The following LGSN variants were observed in gnomAD, a reference collection of about 807,000 sequenced individuals.
The protein encoded by LGSN is lengsin.
In LGSN, 21 loss-of-function variants were observed where a neutral mutation model predicts 19.5. That is an observed-to-expected ratio of 1.07 (90% CI 0.76 to 1.55). The LOEUF is 1.55. Among genes scored for constraint, LGSN ranks in the 40% most tolerant of loss-of-function variants. The pLI is 0.00. For synonymous variants in LGSN, 257 were observed against 215.6 expected (o/e 1.19, Z -1.68); for missense variants, 673 against 608.5 (o/e 1.11, Z -1.12).
the LGSN span, among the ~76,000 whole-genome samples, chr6:63,409,344 A>C: frequency 8.2e-3 from 1,246 of 152,346 alleles, 14 homozygotes; most frequent in South Asian, 0.025. Flanking sequence ...TAATCTAGTC[A>C]GTCTATTCAG....
the LGSN span, among the ~76,000 whole-genome samples, chr6:63,450,561 A>C: frequency 6.7e-6 from 1 of 148,320 alleles, no homozygotes; most frequent in East Asian, 2.0e-4. Context: ...AAAAAAAAAA[A>C]GAAAAGAAAA....
At chr6:63,511,932 C>T in the LGSN span, among the ~76,000 whole-genome samples, 1 of 151,968 alleles carries the variant, frequency 6.6e-6, no homozygotes, top group Non-Finnish European at 1.5e-5. Context: ...TTAATAATTC[C>T]CTAGCAAGCA....
chr6:63,350,713 A>G, the LGSN span, among the ~76,000 whole-genome samples: 4 of 152,066 alleles, frequency 2.6e-5, no homozygotes, highest in Non-Finnish European at 4.4e-5. Flanking sequence ...TTAGCTGGAC[A>G]TGGCAGCGCA....
the LGSN span, among the ~76,000 whole-genome samples, chr6:63,546,434 G>A: frequency 2.6e-5 from 4 of 152,192 alleles, no homozygotes; most frequent in Admixed American, 6.5e-5. Flanking sequence ...GGCCGGGTGC[G>A]GTGGCTCACG....
the LGSN span, among the ~76,000 whole-genome samples, chr6:63,474,863 C>T: frequency 6.6e-5 from 9 of 135,488 alleles, no homozygotes; most frequent in Non-Finnish European, 1.4e-4. Context: ...GTGGAGGTTG[C>T]GATGATTTGA....
chr6:63,480,816 T>G, the LGSN span, among the ~76,000 whole-genome samples: 5 of 111,846 alleles, frequency 4.5e-5, no homozygotes, highest in South Asian at 3.1e-4. Context: ...AAAGAAGTCA[T>G]TATATGAAAA....
the LGSN span, among the ~76,000 whole-genome samples, chr6:63,525,684 A>T: frequency 6.6e-6 from 1 of 152,168 alleles, no homozygotes; most frequent in South Asian, 2.1e-4. Context: ...AGTTTCCAAC[A>T]ACCCCAACCT....
chr6:63,538,387 C>T, the LGSN span, among the ~76,000 whole-genome samples: 55 of 152,148 alleles, frequency 3.6e-4, no homozygotes, highest in Non-Finnish European at 2.1e-4. Context: ...AAAACTGAGA[C>T]TGAATGATTT....
Position 63,276,471 on chromosome 6 carries a change from A to G in LGSN, c.*3550T>C, listed in dbSNP as rs1272446972. The G allele has an allele frequency of 2.0e-5, 3 of 152,182 alleles. No individual in the cohort carries two copies. The highest frequency in any genetic ancestry group is 7.2e-5 in the African/African-American group (3 of 41,444). 9.4% of individuals were successfully genotyped at this position (152,182 alleles called of 1,614,324 possible). A position where few individuals can be genotyped will look rare whatever the true frequency, so the allele number is the denominator to read the frequency against. On this transcript the variant is annotated 3_prime_UTR_variant, in exon 4 of 4. Coordinates refer to ENST00000370657, the MANE Select transcript of LGSN (RefSeq NM_016571.3). ...TCTTATGTATACTCATTTAATTACCAACTTTAAATTCAGTAATCACATTTT... is the reference window on the plus strand; with the variant it reads ...TCTTATGTATACTCATTTAATTACCGACTTTAAATTCAGTAATCACATTTT...
the LGSN span, among the ~76,000 whole-genome samples, chr6:63,468,005 T>TA: frequency 3.7e-4 from 57 of 152,308 alleles, no homozygotes; most frequent in East Asian, 0.011. Context: ...ATTATCTCTT[T>TA]AATTATCTCT....
the LGSN span, among the ~76,000 whole-genome samples, chr6:63,387,464 T>G: frequency 6.6e-6 from 1 of 152,186 alleles, no homozygotes; most frequent in East Asian, 1.9e-4. Flanking sequence ...TAGAAGCATA[T>G]GCATAGGTTA....
chr6:63,401,267 G>T, the LGSN span, among the ~76,000 whole-genome samples: 1 of 151,864 alleles, frequency 6.6e-6, no homozygotes, highest in Non-Finnish European at 1.5e-5. Flanking sequence ...GGGCATGGTG[G>T]CACATGCCTG....
At chr6:63,524,796 T>C in the LGSN span, among the ~76,000 whole-genome samples, 1 of 152,246 alleles carries the variant, frequency 6.6e-6, no homozygotes, top group Non-Finnish European at 1.5e-5. Flanking sequence ...TCAAAGTTTC[T>C]ATTTTAATCA....
chr6:63,360,880 C>T, the LGSN span, among the ~76,000 whole-genome samples: 2 of 152,156 alleles, frequency 1.3e-5, no homozygotes, highest in Non-Finnish European at 2.9e-5. Context: ...TAACAGTCAG[C>T]ACCCTCAGCT....
the LGSN span, among the ~76,000 whole-genome samples, chr6:63,374,247 T>G: frequency 8.5e-5 from 13 of 152,338 alleles, no homozygotes; most frequent in African/African-American, 3.1e-4. Context: ...TTATCTTTGA[T>G]GCAAATTATT....
chr6:63,417,204 A>G, the LGSN span, among the ~76,000 whole-genome samples: 2 of 151,954 alleles, frequency 1.3e-5, no homozygotes, highest in African/African-American at 4.8e-5. Context: ...TCATCCTATT[A>G]ATACTTCTTC....
chr6:63,353,486 G>A, the LGSN span, among the ~76,000 whole-genome samples: 5,977 of 149,222 alleles, frequency 0.04, 406 homozygotes, highest in African/African-American at 0.14. Flanking sequence ...ATAACAGAAC[G>A]TAAGGTGAAG....
intron 1 of LGSN, among the ~76,000 whole-genome samples, chr6:63,302,212 CTT>C (rs1768207909): frequency 6.6e-6 from 1 of 151,974 alleles, no homozygotes; most frequent in African/African-American, 2.4e-5. Flanking sequence ...TCTGATATGT[CTT>C]AGTATATGTT....
At chr6:63,412,743 G>T in the LGSN span, among the ~76,000 whole-genome samples, 16 of 63,502 alleles carry the variant, frequency 2.5e-4, 1 homozygote, top group Non-Finnish European at 3.5e-4. Context: ...AAGAAAGAAA[G>T]AAAGAAAGAA....
Sources: allele counts gnomAD v4.1 joint callset (sites outside exome capture counted in the v4.1 genomes callset), GRCh38; gene constraint gnomAD v4.1.1; transcripts MANE v1.5; gene names NCBI Gene and HGNC (gene_info 2026-07-23, HGNC 2026-07-21).